Variants in SS18 observed in about 807,000 individuals in gnomAD.
The protein encoded by SS18 is protein SSXT.
SS18 carries 28 observed loss-of-function variants against 72.5 expected under a neutral mutation model. The ratio of observed to expected loss-of-function variants is 0.39; its 90% confidence interval spans 0.29 to 0.53. The LOEUF (loss-of-function observed/expected upper bound fraction) is 0.53, where lower values mean the gene tolerates loss of function less well. Among genes scored for constraint, SS18 ranks in the 20% least tolerant of loss-of-function variants. SS18 has a pLI of 0.76. For synonymous variants in SS18, 172 were observed against 164.2 expected (o/e 1.05, Z -0.37); for missense variants, 518 against 535.3 (o/e 0.97, Z 0.32).
chr18:26,057,355 C>T (rs1039604447), intron 4 of SS18, among the ~76,000 whole-genome samples: 9 of 152,164 alleles, frequency 5.9e-5, no homozygotes, highest in Non-Finnish European at 1.2e-4. Flanking sequence ...CTAAATTTAG[C>T]CAGTTCTGTT....
chr18:26,068,234 A>G (rs775362108), intron 3 of SS18: 2 of 152,234 alleles, frequency 1.3e-5, no homozygotes, highest in Non-Finnish European at 2.9e-5. Flanking sequence ...AGTTATTTCT[A>G]TAACTTTAAA....
At chr18:26,058,389 G>C (rs1257667404) in intron 3 of SS18, among the ~76,000 whole-genome samples, 1 of 152,182 alleles carries the variant, frequency 6.6e-6, no homozygotes, top group Non-Finnish European at 1.5e-5. Context: ...AGGGCAAAAG[G>C]AAAAACAGAT....
At chr18:26,052,503 A>G in intron 5 of SS18, 121 bp downstream of exon 5, 1 of 725,840 alleles carries the variant, frequency 1.4e-6, no homozygotes, top group Non-Finnish European at 2.3e-6. Context: ...TTTTATGGGC[A>G]TGACTGTCAC....
chr18:26,016,575 T>C lies in SS18; in HGVS notation c.*1779A>G, dbSNP rs1405512319. On this transcript the variant is annotated 3_prime_UTR_variant, in exon 11 of 11. Coordinates refer to ENST00000415083, the MANE Select transcript of SS18 (RefSeq NM_001007559.3). ...TCGTCTCTACTAAAAGTACAAAAAT[T>C]AGCTGGGTGTGGTGGCGGGTGCCTG... The C allele has an allele frequency of 1.1e-5, 2 of 182,934 alleles. No individual in the cohort carries two copies. The highest frequency in any genetic ancestry group is 2.4e-5 in the African/African-American group (1 of 42,520). 11.3% of individuals were successfully genotyped at this position (182,934 alleles called of 1,614,324 possible).
At chr18:26,078,830 T>C (rs1389078650) in intron 2 of SS18, among the ~76,000 whole-genome samples, 1 of 152,156 alleles carries the variant, frequency 6.6e-6, no homozygotes, top group Non-Finnish European at 1.5e-5. Flanking sequence ...AAGGTTGCAG[T>C]GAGCCGAGAT....
At chr18:26,061,129 C>T (rs1374739689) in intron 3 of SS18, among the ~76,000 whole-genome samples, 2 of 152,130 alleles carry the variant, frequency 1.3e-5, no homozygotes, top group East Asian at 1.9e-4. Context: ...CTGGCTAACA[C>T]GGTGAAACCC....
chr18:26,068,590 T>C (rs767216055), intron 3 of SS18: 1 of 152,196 alleles, frequency 6.6e-6, no homozygotes, highest in Non-Finnish European at 1.5e-5. Flanking sequence ...GACCAAATGT[T>C]AGTCAGAGAA....
intron 5 of SS18, among the ~76,000 whole-genome samples, chr18:26,047,638 G>C (rs987405897): frequency 6.6e-6 from 1 of 152,068 alleles, no homozygotes; most frequent in Admixed American, 6.6e-5. Flanking sequence ...TCAGGAGATT[G>C]AGACCATCCT....
chr18:26,034,952 A>G (rs1273432893), intron 9 of SS18, 53 bp downstream of exon 9: 31 of 1,572,548 alleles, frequency 2.0e-5, no homozygotes, highest in Non-Finnish European at 8.6e-7. Flanking sequence ...TCCATATTTT[A>G]AAACAATCAG....
intron 3 of SS18, among the ~76,000 whole-genome samples, chr18:26,060,207 T>C (rs1286497453): frequency 3.9e-5 from 6 of 152,226 alleles, no homozygotes; most frequent in African/African-American, 1.4e-4. Flanking sequence ...CGGAATATTA[T>C]TCAGCCACAA....
rs959246857 is a variant in SS18 at position 26,029,343 on chromosome 18, C to A, written c.1230+3056G>T. On this transcript the variant is annotated intron_variant, in intron 10 of 10. Transcript: ENST00000415083. ...TTGTAAGCAGAGAGGTGACTAATGT[C>A]TTTAAAACATTACTCTGGGTCCCAT... Among the ~76,000 whole-genome samples, 3 of 152,272 alleles carry A rather than the reference C, an allele frequency of 2.0e-5. No homozygotes were observed. The East Asian group carries it at 5.8e-4, about 29-fold the overall frequency.
intron 2 of SS18, among the ~76,000 whole-genome samples, chr18:26,085,138 C>T (rs1668652457): frequency 1.3e-5 from 2 of 152,156 alleles, no homozygotes. Flanking sequence ...ATTCTTTGTA[C>T]TATCTTTGAA....
rs540698530 is a variant in SS18, at chr18:26,079,824, G to A, written c.147-1664C>T. ...TCAAACTCCTGAGCTCAAGCAATCAGCCAGCCTCAGACTCTCAAAGTGCTG... is the reference window on the plus strand; with the variant it reads ...TCAAACTCCTGAGCTCAAGCAATCAACCAGCCTCAGACTCTCAAAGTGCTG... On this transcript the variant is annotated intron_variant, in intron 2 of 10. Transcript: ENST00000415083. Among the ~76,000 whole-genome samples the A allele has an allele frequency of 3.3e-5, 5 of 152,210 alleles. No individual in the cohort carries two copies. In the East Asian group the frequency reaches 7.7e-4, roughly 24 times the overall value.
At chr18:26,084,784 AC>A (rs564898755) in intron 2 of SS18, among the ~76,000 whole-genome samples, 79 of 152,162 alleles carry the variant, frequency 5.2e-4, no homozygotes, top group African/African-American at 1.7e-3. Flanking sequence ...TTTTTAAAAG[AC>A]CCCCAGATTA....
Position 26,087,911 on chromosome 18 carries a change from G to A in SS18, c.70-334C>T, listed in dbSNP as rs974687566. On this transcript the variant is annotated intron_variant, in intron 1 of 10. Coordinates refer to ENST00000415083, the MANE Select transcript of SS18 (RefSeq NM_001007559.3). ...GCTCTCTTGCATAAAATTTCATTAC[G>A]TACTGTTTAAATCTCTTGTAAAAAT... Among the ~76,000 whole-genome samples the A allele has an allele frequency of 8.5e-5, 13 of 152,142 alleles. No individual in the cohort carries two copies. The East Asian group carries it at 1.7e-3, about 20-fold the overall frequency.
intron 5 of SS18, among the ~76,000 whole-genome samples, chr18:26,043,047 A>G (rs141211753): frequency 1.2e-3 from 180 of 152,286 alleles, no homozygotes; most frequent in Admixed American, 3.1e-3. Flanking sequence ...GCCAGGCACT[A>G]AGCTAATAGC....
intron 3 of SS18, among the ~76,000 whole-genome samples, chr18:26,068,767 T>C (rs910939648): frequency 6.6e-6 from 1 of 152,164 alleles, no homozygotes; most frequent in East Asian, 1.9e-4. Context: ...TTTCAAACAA[T>C]ATATAAAATG....
intron 4 of SS18, among the ~76,000 whole-genome samples, chr18:26,057,293 C>A (rs912961535): frequency 6.6e-6 from 1 of 152,138 alleles, no homozygotes; most frequent in Non-Finnish European, 1.5e-5. Flanking sequence ...TGGTGCAACG[C>A]CTTTTTTTCC....
intron 10 of SS18, among the ~76,000 whole-genome samples, chr18:26,027,989 TGAAA>T (rs1359162285): frequency 3.3e-5 from 5 of 151,572 alleles, no homozygotes; most frequent in African/African-American, 9.8e-5. Context: ...CTCCTGTCTT[TGAAA>T]GACACTATTT....
Sources: allele counts gnomAD v4.1 joint callset (sites outside exome capture counted in the v4.1 genomes callset), GRCh38; gene constraint gnomAD v4.1.1; transcripts MANE v1.5; gene names NCBI Gene and HGNC (gene_info 2026-07-23, HGNC 2026-07-21).